ZNF451: variants seen among roughly 807,000 people sequenced by gnomAD.
The protein encoded by ZNF451 is zinc finger protein 451, also known as E3 SUMO-protein ligase ZNF451.
A neutral mutation model predicts 107.1 loss-of-function variants in ZNF451; 80 were observed. The ratio of observed to expected loss-of-function variants is 0.75; its 90% CI spans 0.62 to 0.90. The LOEUF (loss-of-function observed/expected upper bound fraction) is 0.90. Ranked by LOEUF, ZNF451 falls within the 40% of genes least tolerant of loss-of-function variation. The probability of loss-of-function intolerance (pLI) is 0.00; values close to 1 mark genes in which losing one functional copy is unlikely to be tolerated. For missense variants in ZNF451, 1,107 were observed against 1,236.2 expected, an observed-to-expected ratio of 0.90 and a Z score of 1.57; for synonymous variants, 362 against 406.5, an observed-to-expected ratio of 0.89 and a Z score of 1.32.
chr6:57,151,064 A>T, intron 11 of ZNF451: 1 of 584,212 alleles, frequency 1.7e-6, no homozygotes, highest in Non-Finnish European at 2.7e-6. Flanking sequence ...GGTGACTCAA[A>T]GTTTATGGAT....
chr6:57,156,370 A>T (rs1335991201), intron 13 of ZNF451, among the ~76,000 whole-genome samples: 1 of 152,172 alleles, frequency 6.6e-6, no homozygotes. Context: ...TGAATAGTTG[A>T]GTAATAGTTT....
intron 3 of ZNF451, chr6:57,106,765 T>G: frequency 2.0e-6 from 2 of 985,340 alleles, no homozygotes; most frequent in Non-Finnish European, 2.4e-6. Flanking sequence ...ATGCATGTGA[T>G]TCAATAGACT....
intron 13 of ZNF451, among the ~76,000 whole-genome samples, chr6:57,158,013 T>C (rs925440440): frequency 1.3e-5 from 2 of 152,274 alleles, no homozygotes; most frequent in Non-Finnish European, 2.9e-5. Flanking sequence ...TTCTTCCATA[T>C]GCTTTTTAAT....
Position 57,103,041 on chromosome 6 carries a change from G to C in ZNF451, c.186+3900G>C, listed in dbSNP as rs79528826. 1.4e-3 allele frequency: 1,359 copies of C among 985,336 alleles called. 16 individuals carry two copies. The African/African-American group carries it at 0.022, about 16-fold the overall frequency. 61.0% of individuals were successfully genotyped at this position (985,336 alleles called of 1,614,324 possible). A position where few individuals can be genotyped will look rare whatever the true frequency, so the allele number is the denominator to read the frequency against. The stretch of plus-strand genomic sequence containing the variant: ...TACCTTCTAAACATTTAATTCTTTT[G>C]AGCTTGATAGTGCATCACACTCTAA... On this transcript the variant is annotated intron_variant, in intron 3 of 14. Coordinates refer to ENST00000370706, the MANE Select transcript of ZNF451 (RefSeq NM_001031623.3).
At position 57,097,199 on chromosome 6, in the gene ZNF451, A is replaced by G. The variant is rs764014264; in HGVS notation, c.106-1862A>G. 2.0e-5 allele frequency among the ~76,000 whole-genome samples: 3 copies of G among 152,288 alleles called. No homozygotes were observed. In the South Asian group the frequency reaches 6.2e-4, roughly 32 times the overall value. On this transcript the variant is annotated intron_variant, in intron 2 of 14. Transcript: ENST00000370706. ...GTTTATAGTTTGAGCAAAAATCTCAATTCCTTTGCTACAGATCCCTGCCCA... is the reference window on the plus strand; with the variant it reads ...GTTTATAGTTTGAGCAAAAATCTCAGTTCCTTTGCTACAGATCCCTGCCCA...
At chr6:57,143,313 A>G (rs1438545478) in intron 9 of ZNF451, among the ~76,000 whole-genome samples, 2 of 152,058 alleles carry the variant, frequency 1.3e-5, no homozygotes, top group African/African-American at 2.4e-5. Context: ...ATTTCCCTAA[A>G]TTCAGCTTTG....
chr6:57,111,371 GT>G (rs372422404), intron 3 of ZNF451, among the ~76,000 whole-genome samples: 33,557 of 133,150 alleles, frequency 0.25, 3,551 homozygotes, highest in African/African-American at 0.29. Context: ...GGGTTTTTTT[GT>G]TTTTTTTTTT....
At chr6:57,109,551 G>A (rs1469652219) in intron 3 of ZNF451, 4 of 985,108 alleles carry the variant, frequency 4.1e-6, no homozygotes, top group Non-Finnish European at 4.8e-6. Flanking sequence ...ATTGGATATG[G>A]TATTCTATGG....
At chr6:57,099,008 A>G (rs552076982) in intron 2 of ZNF451, 53 bp from the exon 3 acceptor site, 5 of 1,425,332 alleles carry the variant, frequency 3.5e-6, no homozygotes, top group Non-Finnish European at 4.9e-6. Context: ...TTTAAATGCT[A>G]ATTTGGTTTG....
At chr6:57,141,497 A>G in intron 8 of ZNF451, 42 bp downstream of exon 8, 1 of 1,537,162 alleles carries the variant, frequency 6.5e-7, no homozygotes, top group Non-Finnish European at 8.8e-7. Flanking sequence ...AACTACTTGA[A>G]TCTTTGCTGA....
At chr6:57,163,925 A>G (rs1327878567) in intron 14 of ZNF451, among the ~76,000 whole-genome samples, 1 of 151,998 alleles carries the variant, frequency 6.6e-6, no homozygotes, top group Non-Finnish European at 1.5e-5. Context: ...TGATAACAAA[A>G]CTCAAAAAAA....
chr6:57,104,941 AAG>A, intron 3 of ZNF451: 1 of 985,306 alleles, frequency 1.0e-6, no homozygotes, highest in Non-Finnish European at 1.2e-6. Flanking sequence ...GCAGATCAGG[AAG>A]AGTTTTTAGT....
intron 3 of ZNF451, among the ~76,000 whole-genome samples, chr6:57,111,371 GTTTTTTTT>G (rs372422404): frequency 7.5e-6 from 1 of 133,322 alleles, no homozygotes; most frequent in South Asian, 2.4e-4. Flanking sequence ...GGGTTTTTTT[GTTTTTTTT>G]TTTTTGTTTT....
intron 13 of ZNF451, among the ~76,000 whole-genome samples, chr6:57,160,634 C>T (rs1251869653): frequency 6.6e-6 from 1 of 152,136 alleles, no homozygotes; most frequent in African/African-American, 2.4e-5. Context: ...CACGCCTGGC[C>T]TCAATATCCT....
intron 3 of ZNF451, chr6:57,103,675 T>C: frequency 1.0e-6 from 1 of 985,346 alleles, no homozygotes; most frequent in Non-Finnish European, 1.2e-6. Context: ...CTTAATTCTG[T>C]AACTTCTGCG....
intron 7 of ZNF451, among the ~76,000 whole-genome samples, chr6:57,139,296 G>T (rs1367997126): frequency 6.6e-6 from 1 of 152,070 alleles, no homozygotes; most frequent in Non-Finnish European, 1.5e-5. Flanking sequence ...CTATGGAGGG[G>T]TACAACTTGG....
At chr6:57,106,230 G>A in intron 3 of ZNF451, 1 of 985,070 alleles carries the variant, frequency 1.0e-6, no homozygotes, top group Non-Finnish European at 1.2e-6. Context: ...ATAACTAGTT[G>A]ACTGGGATTC....
At chr6:57,099,493 T>G (rs940834895) in intron 3 of ZNF451, 4 of 717,024 alleles carry the variant, frequency 5.6e-6, no homozygotes, top group African/African-American at 5.2e-5. Context: ...AGGATTCTTT[T>G]GTTCCAGAAC....
At chr6:57,128,586 G>A (rs1831036734) in intron 4 of ZNF451, 143 bp from the exon 5 acceptor site, 2 of 609,362 alleles carry the variant, frequency 3.3e-6, no homozygotes, top group South Asian at 2.1e-5. Context: ...TTATTTTGAT[G>A]TATTTCTTTG....
Sources: allele counts gnomAD v4.1 joint callset (sites outside exome capture counted in the v4.1 genomes callset), GRCh38; gene constraint gnomAD v4.1.1; transcripts MANE v1.5; gene names NCBI Gene and HGNC (gene_info 2026-07-23, HGNC 2026-07-21).